Variants in DIP2B observed in about 807,000 individuals in gnomAD.
DIP2B encodes the protein disco-interacting protein 2 homolog B.
Under a neutral mutation model 198.0 loss-of-function variants are expected in DIP2B, and 76 were observed. The observed-to-expected ratio is 0.38, with a 90% CI of 0.32 to 0.46. The LOEUF (loss-of-function observed/expected upper bound fraction) is 0.46. DIP2B is among the 20% of genes least tolerant of loss of function. The pLI, the probability that DIP2B is intolerant of heterozygous loss-of-function variation, is 0.99. For synonymous variants in DIP2B, 701 were observed against 739.1 expected, an observed-to-expected ratio of 0.95 and a Z score of 0.84; for missense variants, 1,559 against 1,978.4, an observed-to-expected ratio of 0.79 and a Z score of 4.02.
At chr12:50,546,889 T>A (rs1958382384) in intron 1 of DIP2B, among the ~76,000 whole-genome samples, 1 of 152,238 alleles carries the variant, frequency 6.6e-6, no homozygotes, top group Non-Finnish European at 1.5e-5. Flanking sequence ...TATAACTGGT[T>A]TTATGTATAA....
intron 1 of DIP2B, among the ~76,000 whole-genome samples, chr12:50,523,239 T>G (rs1206681118): frequency 6.6e-6 from 1 of 152,232 alleles, no homozygotes; most frequent in South Asian, 2.1e-4. Context: ...GCACATCCTC[T>G]TGTTTAAATC....
At chr12:50,576,316 C>A (rs1413784378) in intron 1 of DIP2B, among the ~76,000 whole-genome samples, 1 of 151,546 alleles carries the variant, frequency 6.6e-6, no homozygotes, top group African/African-American at 2.4e-5. Context: ...ATCTGCCCAC[C>A]TTGGCCTCCC....
chr12:50,726,668 C>T (rs111724018), intron 28 of DIP2B, among the ~76,000 whole-genome samples: 11 of 109,886 alleles, frequency 1.0e-4, no homozygotes, highest in Non-Finnish European at 6.5e-5. Flanking sequence ...TTCTTTCTTT[C>T]TTTTTTTTTT....
At chr12:50,508,465 T>C (rs536908967) in intron 1 of DIP2B, among the ~76,000 whole-genome samples, 4 of 152,318 alleles carry the variant, frequency 2.6e-5, no homozygotes, top group African/African-American at 9.6e-5. Flanking sequence ...TTTTTGTACA[T>C]TGTCATTTGA....
At chr12:50,538,641 A>G (rs1042761805) in intron 1 of DIP2B, among the ~76,000 whole-genome samples, 45 of 152,060 alleles carry the variant, frequency 3.0e-4, no homozygotes, top group African/African-American at 1.0e-3. Flanking sequence ...TTGTAATAAT[A>G]TTACTATTTT....
intron 3 of DIP2B, among the ~76,000 whole-genome samples, chr12:50,657,803 A>G (rs1447566178): frequency 6.6e-6 from 1 of 152,196 alleles, no homozygotes; most frequent in African/African-American, 2.4e-5. Flanking sequence ...GCTGAGAAAC[A>G]GTTCTGGATT....
At chr12:50,674,759 C>G (rs1201871637) in intron 6 of DIP2B, 130 bp downstream of exon 6, 21 of 1,104,834 alleles carry the variant, frequency 1.9e-5, no homozygotes, top group Non-Finnish European at 2.7e-5. Context: ...AATAACTAAT[C>G]CTGGGTACCT....
intron 13 of DIP2B, among the ~76,000 whole-genome samples, chr12:50,692,243 C>G (rs1362178232): frequency 6.6e-6 from 1 of 151,526 alleles, no homozygotes. Flanking sequence ...GTAAATATGC[C>G]TAGAAGTATA....
intron 14 of DIP2B, 67 bp downstream of exon 14, chr12:50,693,080 A>G: frequency 1.4e-6 from 2 of 1,439,066 alleles, no homozygotes. Context: ...ATGTTGTATA[A>G]CTGGAGCATC....
At chr12:50,517,218 C>CA (rs903224955) in intron 1 of DIP2B, among the ~76,000 whole-genome samples, 6 of 151,618 alleles carry the variant, frequency 4.0e-5, no homozygotes, top group African/African-American at 1.5e-4. Context: ...CGCACCCGAC[C>CA]AAAAAATTTG....
chr12:50,671,277 C>T lies in DIP2B; in HGVS notation c.519C>T (p.Ser173=). The T allele has an allele frequency of 6.2e-7, 1 of 1,614,180 alleles. No homozygotes were observed. The highest frequency in any genetic ancestry group is 1.1e-5 in the South Asian group (1 of 91,082). ...AACAGAGCTTACAGAATGCTGAGTC[C>T]TGGATCAACCGTTCAATTCAGGGAT... ...ALQQSLQNAE[S]WINRSIQGSS... Residue 173 remains serine, a synonymous_variant, in exon 5 of 38, where the codon TCC becomes TCT. Coordinates refer to ENST00000301180, the MANE Select transcript of DIP2B (RefSeq NM_173602.3).
chr12:50,639,090 ATTT>A (rs5798145), intron 2 of DIP2B, among the ~76,000 whole-genome samples: 1 of 139,128 alleles, frequency 7.2e-6, no homozygotes. Flanking sequence ...AGTCTCCACA[ATTT>A]TTTTTTTTTT....
At chr12:50,520,871 C>G (rs1422556388) in intron 1 of DIP2B, among the ~76,000 whole-genome samples, 1 of 152,024 alleles carries the variant, frequency 6.6e-6, no homozygotes, top group Non-Finnish European at 1.5e-5. Context: ...ATCTGACACT[C>G]TTCTATTACA....
At chr12:50,645,670 G>C (rs1330459714) in intron 3 of DIP2B, among the ~76,000 whole-genome samples, 1 of 151,966 alleles carries the variant, frequency 6.6e-6, no homozygotes, top group Non-Finnish European at 1.5e-5. Context: ...TGTTGCCCAC[G>C]CTGGTGTCGA....
intron 3 of DIP2B, among the ~76,000 whole-genome samples, chr12:50,648,109 G>A (rs967461071): frequency 9.2e-5 from 14 of 151,916 alleles, no homozygotes; most frequent in African/African-American, 2.9e-4. Context: ...CCAACACTCC[G>A]TCTCAAAAAA....
At chr12:50,719,232 T>C (rs1198847430) in intron 25 of DIP2B, among the ~76,000 whole-genome samples, 197 bp downstream of exon 25, 1 of 152,206 alleles carries the variant, frequency 6.6e-6, no homozygotes, top group African/African-American at 2.4e-5. Context: ...TGGAGTGCTA[T>C]GTAATACTTT....
intron 22 of DIP2B, among the ~76,000 whole-genome samples, chr12:50,710,107 A>G (rs1036926173): frequency 2.6e-5 from 4 of 152,120 alleles, no homozygotes; most frequent in African/African-American, 7.2e-5. Flanking sequence ...AACATCTTGT[A>G]TATTTATTGT....
chr12:50,513,095 G>A (rs1026757511), intron 1 of DIP2B, among the ~76,000 whole-genome samples: 8 of 152,304 alleles, frequency 5.3e-5, no homozygotes, highest in Admixed American at 3.3e-4. Context: ...ATAGTATGGC[G>A]TGCGGTGAGC....
At chr12:50,579,714 T>C (rs1331346152) in intron 1 of DIP2B, among the ~76,000 whole-genome samples, 12 of 101,362 alleles carry the variant, frequency 1.2e-4, no homozygotes, top group South Asian at 3.5e-4. Flanking sequence ...TATATATATA[T>C]ATATACATAG....
Sources: gnomAD v4.1 joint callset for allele counts (sites outside exome capture counted in the v4.1 genomes callset) on GRCh38, gnomAD v4.1.1 for gene constraint, MANE v1.5 for transcripts, NCBI Gene and HGNC (gene_info 2026-07-23, HGNC 2026-07-21) for gene names.